Variants in UNC5C observed in about 807,000 individuals in gnomAD.
The protein encoded by UNC5C is unc-5 netrin receptor C.
Under a neutral mutation model 99.8 loss-of-function variants are expected in UNC5C, and 47 were observed. The observed-to-expected ratio is 0.47, with a 90% CI of 0.37 to 0.60. The LOEUF is 0.60. Ranked by LOEUF, UNC5C falls within the 20% of genes least tolerant of loss-of-function variation. The probability of loss-of-function intolerance (pLI) is 0.00; values close to 1 mark genes in which losing one functional copy is unlikely to be tolerated. For missense variants in UNC5C, 1,062 were observed against 1,165.9 expected (o/e 0.91, Z 1.30); for synonymous variants, 487 against 452.2 (o/e 1.08, Z -0.98).
chr4:95,487,116 T>A (rs74691363), intron 1 of UNC5C, among the ~76,000 whole-genome samples: 1 of 151,746 alleles, frequency 6.6e-6, no homozygotes, highest in African/African-American at 2.4e-5. Context: ...AATAAATTCA[T>A]GTTCACTATA....
chr4:95,469,888 C>A (rs1747914673), intron 1 of UNC5C, among the ~76,000 whole-genome samples: 1 of 152,114 alleles, frequency 6.6e-6, no homozygotes, highest in Non-Finnish European at 1.5e-5. Flanking sequence ...ATATAAATAG[C>A]ATCAAAGAGT....
rs146686966 is a variant in UNC5C, at chr4:95,364,263, G to A, written c.125-28632C>T. Among the ~76,000 whole-genome samples, 112 of 152,284 alleles carry A rather than the reference G, an allele frequency of 7.4e-4. 5 individuals carry two copies. In the East Asian group the frequency reaches 0.022, roughly 29 times the overall value. Reference sequence around the variant, plus strand: ...CAACAACTGCACAAGCTACATCATTGTGTCTGGAGATACTGAAAAGGAAAC... The same window carrying A: ...CAACAACTGCACAAGCTACATCATTATGTCTGGAGATACTGAAAAGGAAAC... On this transcript the variant is annotated intron_variant, in intron 1 of 15. Transcript: ENST00000453304.
rs754877435 is a variant in UNC5C at position 95,250,670 on chromosome 4, A to T, written c.595-3T>A. The T allele has an allele frequency of 1.9e-6, 3 of 1,613,272 alleles. No homozygotes were observed. In the African/African-American group the frequency reaches 4.0e-5, roughly 22 times the overall value. ...TCTTCATTTTTCAACCATTCCACCT[A>T]AAGATAAATGAGAAAAGTAGATAAA... On this transcript the variant is annotated splice_polypyrimidine_tract_variant and splice_region_variant and intron_variant, in intron 4 of 15. Coordinates refer to ENST00000453304, the MANE Select transcript of UNC5C (RefSeq NM_003728.4).
intron 10 of UNC5C, among the ~76,000 whole-genome samples, chr4:95,207,829 C>T (rs947629638): frequency 6.6e-6 from 1 of 152,204 alleles, no homozygotes; most frequent in African/African-American, 2.4e-5. Context: ...AAGGTCACCT[C>T]GTTTACTATA....
intron 1 of UNC5C, among the ~76,000 whole-genome samples, chr4:95,366,746 G>A (rs2626038): frequency 0.15 from 23,538 of 152,150 alleles, 2,050 homozygotes; most frequent in Admixed American, 0.2. Flanking sequence ...CTTTGGTTTT[G>A]TTTCTTTTTT....
At chr4:95,219,408 A>G (rs759399683) in intron 8 of UNC5C, 95 bp from the exon 9 acceptor site, 2 of 1,198,584 alleles carry the variant, frequency 1.7e-6, no homozygotes, top group Non-Finnish European at 2.4e-6. Flanking sequence ...AGCCGAAAGT[A>G]AAGCAGCTCA....
At chr4:95,238,896 T>G (rs892934529) in intron 7 of UNC5C, among the ~76,000 whole-genome samples, 2 of 152,230 alleles carry the variant, frequency 1.3e-5, no homozygotes, top group Admixed American at 6.5e-5. Flanking sequence ...TCCATTTGTT[T>G]TTTTCTCCAA....
chr4:95,291,759 AATTT>A (rs1412074593), intron 3 of UNC5C, among the ~76,000 whole-genome samples: 44 of 152,308 alleles, frequency 2.9e-4, no homozygotes, highest in African/African-American at 1.0e-3. Context: ...AGTATTAATT[AATTT>A]ATTGTTTAAA....
At chr4:95,412,574 G>A (rs1358049086) in intron 1 of UNC5C, among the ~76,000 whole-genome samples, 5 of 152,134 alleles carry the variant, frequency 3.3e-5, no homozygotes, top group African/African-American at 1.2e-4. Flanking sequence ...AGAATACACT[G>A]AGAAGTCACC....
chr4:95,443,087 T>A (rs265023), intron 1 of UNC5C, among the ~76,000 whole-genome samples: 135,136 of 152,084 alleles, frequency 0.89, 60,210 homozygotes, highest in Non-Finnish European at 0.93. Flanking sequence ...GGAGGACTAG[T>A]TGATATTAAT....
intron 14 of UNC5C, among the ~76,000 whole-genome samples, chr4:95,181,729 C>T (rs537561031): frequency 6.6e-6 from 1 of 152,030 alleles, no homozygotes; most frequent in East Asian, 1.9e-4. Context: ...TCTCATGAAA[C>T]TACAGGAGGA....
intron 2 of UNC5C, among the ~76,000 whole-genome samples, chr4:95,317,409 C>CT (rs1405868194): frequency 1.3e-5 from 2 of 152,072 alleles, no homozygotes; most frequent in African/African-American, 4.8e-5. Flanking sequence ...CATTGTGTTG[C>CT]TAGGCCAAGC....
At chr4:95,202,465 C>T (rs369704545) in intron 12 of UNC5C, among the ~76,000 whole-genome samples, 2 of 152,222 alleles carry the variant, frequency 1.3e-5, no homozygotes, top group Non-Finnish European at 2.9e-5. Context: ...CCACGGGTCT[C>T]GTTGCCAAAT....
At chr4:95,192,447 C>T (rs1454070885) in intron 12 of UNC5C, among the ~76,000 whole-genome samples, 9 of 128,502 alleles carry the variant, frequency 7.0e-5, no homozygotes, top group Admixed American at 2.4e-4. Flanking sequence ...TCCTCCCCTT[C>T]TCATCTCCTT....
chr4:95,480,987 T>C (rs1181112466), intron 1 of UNC5C, among the ~76,000 whole-genome samples: 1 of 150,120 alleles, frequency 6.7e-6, no homozygotes, highest in Admixed American at 6.6e-5. Context: ...CTATTCAACA[T>C]AGTGTTGGAA....
At chr4:95,431,991 G>A (rs1346774341) in intron 1 of UNC5C, among the ~76,000 whole-genome samples, 2 of 152,048 alleles carry the variant, frequency 1.3e-5, no homozygotes, top group East Asian at 3.8e-4. Context: ...AGAACAGAAA[G>A]CCTAGGGAAA....
At chr4:95,511,439 C>T (rs1448739648) in intron 1 of UNC5C, among the ~76,000 whole-genome samples, 1 of 152,082 alleles carries the variant, frequency 6.6e-6, no homozygotes, top group African/African-American at 2.4e-5. Flanking sequence ...GCTGCCTCTC[C>T]TCCACATGCC....
At chr4:95,384,356 G>C (rs1745151845) in intron 1 of UNC5C, among the ~76,000 whole-genome samples, 4 of 152,154 alleles carry the variant, frequency 2.6e-5, no homozygotes, top group African/African-American at 9.7e-5. Flanking sequence ...GTATAAGTGT[G>C]AAGCAAAGGG....
At chr4:95,548,186 G>T (rs1288699122) in intron 1 of UNC5C, among the ~76,000 whole-genome samples, 1 of 152,134 alleles carries the variant, frequency 6.6e-6, no homozygotes, top group Non-Finnish European at 1.5e-5. Context: ...CAGCAGGCGA[G>T]GGGGACGGGT....
Sources: gnomAD v4.1 joint callset for allele counts (sites outside exome capture counted in the v4.1 genomes callset) on GRCh38, gnomAD v4.1.1 for gene constraint, MANE v1.5 for transcripts, NCBI Gene and HGNC (gene_info 2026-07-23, HGNC 2026-07-21) for gene names.